The following CACNA2D4 variants were observed in gnomAD, a reference collection of about 807,000 sequenced individuals.
CACNA2D4 encodes voltage-dependent calcium channel subunit alpha-2/delta-4.
CACNA2D4 carries 157 observed loss-of-function variants against 163.8 expected under a neutral mutation model. That is an observed-to-expected ratio of 0.96 (90% CI 0.84 to 1.09). The LOEUF is 1.09. CACNA2D4 is among the 50% of genes least tolerant of loss of function. The pLI is 0.00. For missense variants in CACNA2D4, 1,410 were observed against 1,479.9 expected, an observed-to-expected ratio of 0.95 and a Z score of 0.78; for synonymous variants, 598 against 586.9, an observed-to-expected ratio of 1.02 and a Z score of -0.27.
intron 6 of CACNA2D4, among the ~76,000 whole-genome samples, chr12:1,895,463 G>C (rs1866381258): frequency 6.6e-6 from 1 of 152,078 alleles, no homozygotes; most frequent in African/African-American, 2.4e-5. Context: ...AAAAAACAAA[G>C]CTGGAGGCAT....
rs1867054098 is a variant in CACNA2D4, at chr12:1,918,487, C to T, written c.-14G>A. ...GCCACAGACCATGAGCTCTGTCTGC[C>T]TTCCTCCCAGACCCCAGGACGCCCC... On this transcript the variant is annotated 5_prime_UTR_variant, in exon 1 of 38. Coordinates refer to ENST00000382722, the MANE Select transcript of CACNA2D4 (RefSeq NM_172364.5). 3 of 1,548,222 alleles carry T rather than the reference C, an allele frequency of 1.9e-6. No homozygotes were observed. Among genetic ancestry groups the T allele is most frequent in the Non-Finnish European group, 2.6e-6 (3 of 1,145,426 alleles).
chr12:1,897,823 G>T (rs1866442596), intron 6 of CACNA2D4, among the ~76,000 whole-genome samples: 1 of 152,070 alleles, frequency 6.6e-6, no homozygotes, highest in Non-Finnish European at 1.5e-5. Context: ...TATAAAATCA[G>T]CAAAGATACA....
chr12:1,846,717 C>A, intron 23 of CACNA2D4, 28 bp from the exon 24 acceptor site: 1 of 1,554,868 alleles, frequency 6.4e-7, no homozygotes, highest in South Asian at 1.2e-5. Flanking sequence ...CGGGAATGGT[C>A]ACCACATGGC....
intron 6 of CACNA2D4, among the ~76,000 whole-genome samples, chr12:1,889,451 G>A (rs929110325): frequency 3.3e-5 from 5 of 152,250 alleles, no homozygotes; most frequent in Middle Eastern, 3.4e-3. Flanking sequence ...AAGTTCTAAA[G>A]GCCTTTGTTG....
chr12:1,856,297 G>C lies in CACNA2D4; in HGVS notation c.2009-68C>G, dbSNP rs879202528. On this transcript the variant is annotated intron_variant, in intron 20 of 37. Coordinates refer to ENST00000382722, the MANE Select transcript of CACNA2D4 (RefSeq NM_172364.5). ...CATGAGGGTGTGTGTCTCAATTGTA[G>C]AAACAGCCACCCAGTGAGTTTCTAA... 37 of 1,542,862 alleles carry C rather than the reference G, an allele frequency of 2.4e-5. No homozygotes were observed. In the South Asian group the frequency reaches 3.7e-4, roughly 15 times the overall value.
chr12:1,890,614 T>C (rs1023101000), intron 6 of CACNA2D4, among the ~76,000 whole-genome samples: 2 of 152,050 alleles, frequency 1.3e-5, no homozygotes, highest in Non-Finnish European at 2.9e-5. Flanking sequence ...CCCTCCCCAA[T>C]AGCAGGGCTG....
intron 6 of CACNA2D4, among the ~76,000 whole-genome samples, chr12:1,899,781 G>A (rs1460754186): frequency 2.0e-5 from 3 of 152,070 alleles, no homozygotes; most frequent in African/African-American, 7.2e-5. Context: ...ATTCTATGAA[G>A]CTAGTATAAT....
intron 29 of CACNA2D4, among the ~76,000 whole-genome samples, chr12:1,809,066 C>T (rs1003500311): frequency 2.0e-5 from 3 of 152,220 alleles, no homozygotes; most frequent in Admixed American, 1.3e-4. Context: ...AACTGCTGCT[C>T]GTTAAGTGGG....
intron 6 of CACNA2D4, among the ~76,000 whole-genome samples, chr12:1,891,764 G>C: frequency 6.6e-6 from 1 of 151,922 alleles, no homozygotes; most frequent in Admixed American, 6.6e-5. Flanking sequence ...TTCTGAAACT[G>C]AAGAATTCAT....
intron 1 of CACNA2D4, 27 bp from the exon 2 acceptor site, chr12:1,914,962 A>T: frequency 1.3e-6 from 2 of 1,512,262 alleles, no homozygotes; most frequent in Non-Finnish European, 1.8e-6. Flanking sequence ...GGACACGCGT[A>T]TACACACACG....
chr12:1,911,967 T>C (rs1565742666), intron 3 of CACNA2D4, among the ~76,000 whole-genome samples: 2 of 152,202 alleles, frequency 1.3e-5, no homozygotes, highest in Non-Finnish European at 2.9e-5. Context: ...CCAGGCATCT[T>C]CTCATTGGTT....
At chr12:1,916,970 G>A (rs967523910) in intron 1 of CACNA2D4, among the ~76,000 whole-genome samples, 3 of 152,162 alleles carry the variant, frequency 2.0e-5, no homozygotes, top group Non-Finnish European at 4.4e-5. Flanking sequence ...CAGCCACCCC[G>A]ACTTGGCCCT....
intron 13 of CACNA2D4, among the ~76,000 whole-genome samples, chr12:1,881,648 C>T (rs568685252): frequency 1.3e-5 from 2 of 152,306 alleles, no homozygotes; most frequent in South Asian, 2.1e-4. Flanking sequence ...CCTCCTTCTC[C>T]CCACCCACCT....
At position 1,801,624 on chromosome 12, in the gene CACNA2D4, C is replaced by T. The variant is rs1441015556; in HGVS notation, c.2742G>A (p.Glu914=). The T allele has an allele frequency of 6.3e-7, 1 of 1,587,858 alleles. No homozygotes were observed. The highest frequency in any genetic ancestry group is 8.6e-7 in the Non-Finnish European group (1 of 1,166,658). ...GCTGGGTCAGGACAGCACCATCCACCTCCCCCAGAAATCTTCCCGTCTGTG... is the reference window on the plus strand; with the variant it reads ...GCTGGGTCAGGACAGCACCATCCACTTCCCCCAGAAATCTTCCCGTCTGTG... The part of the protein sequence containing the change: ...RSRETGRFLG[E]VDGAVLTQLL... The change falls in exon 30 of 38, where the codon GAG becomes GAA. Residue 914 remains glutamate, a synonymous_variant. Coordinates refer to ENST00000382722, the MANE Select transcript of CACNA2D4 (RefSeq NM_172364.5).
intron 3 of CACNA2D4, among the ~76,000 whole-genome samples, 195 bp downstream of exon 3, chr12:1,912,828 C>T (rs957869704): frequency 6.6e-6 from 1 of 152,182 alleles, no homozygotes; most frequent in Non-Finnish European, 1.5e-5. Context: ...CCTCTTGCTT[C>T]CTGTCATTTC....
chr12:1,830,225 G>C (rs1030636500), intron 26 of CACNA2D4, among the ~76,000 whole-genome samples: 2 of 152,246 alleles, frequency 1.3e-5, no homozygotes, highest in Non-Finnish European at 2.9e-5. Context: ...AAGTGGGTTT[G>C]TACATCTTAG....
rs1337466652 is a variant in CACNA2D4, at chr12:1,828,452, C to T, written c.2551+12287G>A. Among the ~76,000 whole-genome samples the T allele has an allele frequency of 2.0e-5, 3 of 152,234 alleles. No homozygotes were observed. The highest frequency in any genetic ancestry group is 4.4e-5 in the Non-Finnish European group (3 of 68,032). ...AGTGGTTAGACCTGGAGCTGGAGGC[C>T]ACGACAGTTGTTCTACCTCCCCCAG... On this transcript the variant is annotated intron_variant, in intron 26 of 37. Coordinates refer to ENST00000382722, the MANE Select transcript of CACNA2D4 (RefSeq NM_172364.5). The surrounding 1 kb of genome is among the most constrained non-coding windows in gnomAD (Gnocchi z 4.2).
intron 26 of CACNA2D4, among the ~76,000 whole-genome samples, chr12:1,825,156 C>A (rs536600771): frequency 6.6e-6 from 1 of 152,354 alleles, no homozygotes; most frequent in African/African-American, 2.4e-5. Context: ...GATGGGACCT[C>A]CAGACCTGCA....
In CACNA2D4 at chr12:1,879,955, G is replaced by C. The variant is rs927989482; in HGVS notation, c.1486-74C>G. 3 of 980,566 alleles carry C rather than the reference G, an allele frequency of 3.1e-6. No homozygotes were observed. The African/African-American group carries it at 4.9e-5, about 16-fold the overall frequency. 60.7% of individuals were successfully genotyped at this position (980,566 alleles called of 1,614,324 possible). On this transcript the variant is annotated intron_variant, in intron 13 of 37. Transcript: ENST00000382722. ...TGGTTTGCCGCACTCGGAGCACCCAGTGCGGAGAACCCACAGTCACCACAT... is the reference window on the plus strand; with the variant it reads ...TGGTTTGCCGCACTCGGAGCACCCACTGCGGAGAACCCACAGTCACCACAT...
Sources: gnomAD v4.1 joint callset for allele counts (sites outside exome capture counted in the v4.1 genomes callset) on GRCh38, gnomAD v4.1.1 for gene constraint, Gnocchi (gnomAD v3.1) non-coding constraint, MANE v1.5 for transcripts, NCBI Gene and HGNC (gene_info 2026-07-23, HGNC 2026-07-21) for gene names.